The following TTC27 variants were observed in gnomAD, a reference collection of about 807,000 sequenced individuals.
TTC27 encodes the protein tetratricopeptide repeat protein 27.
Under a neutral mutation model 115.9 loss-of-function variants are expected in TTC27, and 79 were observed. The observed-to-expected ratio is 0.68, with a 90% CI of 0.57 to 0.82. The LOEUF (loss-of-function observed/expected upper bound fraction) is 0.82. TTC27 is among the 40% of genes least tolerant of loss of function. The pLI is 0.00. For missense variants in TTC27, 1,054 were observed against 993.1 expected, an observed-to-expected ratio of 1.06 and a Z score of -0.82; for synonymous variants, 401 against 356.0, an observed-to-expected ratio of 1.13 and a Z score of -1.42.
chr2:32,628,665 G>A (rs1185168492), intron 1 of TTC27, among the ~76,000 whole-genome samples: 2 of 152,172 alleles, frequency 1.3e-5, no homozygotes, highest in South Asian at 2.1e-4. Context: ...AGATACTTAA[G>A]GTAGATTCAA....
intron 9 of TTC27, among the ~76,000 whole-genome samples, chr2:32,685,763 G>A (rs986920316): frequency 6.6e-6 from 1 of 152,178 alleles, no homozygotes; most frequent in African/African-American, 2.4e-5. Context: ...ATCATTATTG[G>A]TGAAAAGTAG....
chr2:32,690,717 A>G (rs1666781475), intron 9 of TTC27, among the ~76,000 whole-genome samples: 1 of 152,318 alleles, frequency 6.6e-6, no homozygotes, highest in East Asian at 1.9e-4. Context: ...TAAATGACCT[A>G]CCTAGCAAGG....
At position 32,814,709 on chromosome 2, in the gene TTC27, T is replaced by G. The variant is rs1209185721; in HGVS notation, c.2308+2094T>G. The stretch of plus-strand genomic sequence containing the variant: ...GATAGACAAATACTTACCATTGTGT[T>G]CTGATTGCCTGCAGTGTTCAGTACA... On this transcript the variant is annotated intron_variant, in intron 18 of 19. Coordinates refer to ENST00000317907, the MANE Select transcript of TTC27 (RefSeq NM_017735.5). Among the ~76,000 whole-genome samples, 3 of 152,340 alleles carry G rather than the reference T, an allele frequency of 2.0e-5. No homozygotes were observed. In the East Asian group the frequency reaches 5.8e-4, roughly 29 times the overall value.
intron 13 of TTC27, among the ~76,000 whole-genome samples, chr2:32,759,125 T>C (rs1026821876): frequency 3.3e-5 from 5 of 152,252 alleles, no homozygotes; most frequent in Non-Finnish European, 7.3e-5. Flanking sequence ...TTGTACTTAA[T>C]GATATTCAGT....
chr2:32,759,888 T>C (rs1328989095), intron 13 of TTC27, among the ~76,000 whole-genome samples: 1 of 152,256 alleles, frequency 6.6e-6, no homozygotes, highest in Non-Finnish European at 1.5e-5. Context: ...CATAATGTCC[T>C]GAAGGTTCCT....
chr2:32,669,851 A>G lies in TTC27; in HGVS notation c.940-2421A>G, dbSNP rs1158403947. 2.1e-5 allele frequency among the ~76,000 whole-genome samples: 3 copies of G among 141,700 alleles called. No individual in the cohort carries two copies. In the East Asian group the frequency reaches 6.4e-4, roughly 30 times the overall value. The allele number at this position is 141,700 out of a possible 152,430, so 93.0% of individuals were successfully genotyped here. Reference sequence around the variant, plus strand: ...CAGTGAGCCGAGATCATGCTACTGCACTCCAGCCTAGGTGACTAAGTGAGA... The same window carrying G: ...CAGTGAGCCGAGATCATGCTACTGCGCTCCAGCCTAGGTGACTAAGTGAGA... On this transcript the variant is annotated intron_variant, in intron 7 of 19. Transcript: ENST00000317907.
At chr2:32,745,313 C>T (rs1233436949) in intron 12 of TTC27, among the ~76,000 whole-genome samples, 1 of 152,086 alleles carries the variant, frequency 6.6e-6, no homozygotes, top group Non-Finnish European at 1.5e-5. Flanking sequence ...TAGCTCTCTC[C>T]CTGAGGCAGA....
At chr2:32,749,186 A>G (rs929244622) in intron 12 of TTC27, among the ~76,000 whole-genome samples, 3 of 152,230 alleles carry the variant, frequency 2.0e-5, no homozygotes. Flanking sequence ...TGCAAAATTA[A>G]TCAGTCATTT....
intron 10 of TTC27, among the ~76,000 whole-genome samples, chr2:32,722,553 G>T (rs1667964782): frequency 6.6e-6 from 1 of 152,132 alleles, no homozygotes. Flanking sequence ...CTTACCCAAG[G>T]TCTCATAGCT....
intron 10 of TTC27, among the ~76,000 whole-genome samples, chr2:32,707,437 C>T (rs1051508635): frequency 2.0e-5 from 3 of 152,164 alleles, no homozygotes; most frequent in East Asian, 1.9e-4. Flanking sequence ...ACTGTTGCAT[C>T]GGGCACCAAG....
chr2:32,721,194 T>C (rs1558309568), intron 10 of TTC27, among the ~76,000 whole-genome samples: 1 of 152,202 alleles, frequency 6.6e-6, no homozygotes, highest in Non-Finnish European at 1.5e-5. Context: ...ACAAATAGAA[T>C]TTAGAGCTTT....
At chr2:32,801,684 G>T (rs10170414) in intron 16 of TTC27, among the ~76,000 whole-genome samples, 28,028 of 151,932 alleles carry the variant, frequency 0.18, 2,629 homozygotes, top group Admixed American at 0.25. Context: ...TCATGAAGAG[G>T]GGAGTAGATC....
chr2:32,789,617 T>A (rs552841143), intron 16 of TTC27, among the ~76,000 whole-genome samples: 2 of 152,198 alleles, frequency 1.3e-5, no homozygotes, highest in African/African-American at 4.8e-5. Context: ...TTAAGAACAT[T>A]TGCTTAGAAA....
chr2:32,817,795 C>G (rs1671556639), intron 19 of TTC27, among the ~76,000 whole-genome samples: 1 of 152,142 alleles, frequency 6.6e-6, no homozygotes, highest in African/African-American at 2.4e-5. Flanking sequence ...GTGGCTCATG[C>G]CTGTAATCCC....
chr2:32,649,182 A>C (rs116753689), intron 4 of TTC27, among the ~76,000 whole-genome samples: 1,804 of 152,214 alleles, frequency 0.012, 29 homozygotes, highest in African/African-American at 0.041. Context: ...CTAGCAGGAG[A>C]AGACTGTAAG....
chr2:32,782,060 C>T (rs1162006220), intron 14 of TTC27, among the ~76,000 whole-genome samples: 1 of 152,110 alleles, frequency 6.6e-6, no homozygotes, highest in South Asian at 2.1e-4. Flanking sequence ...TAATTTATAT[C>T]ATTCTTGTTT....
At chr2:32,817,789 C>T (rs927212342) in intron 19 of TTC27, among the ~76,000 whole-genome samples, 1 of 152,188 alleles carries the variant, frequency 6.6e-6, no homozygotes, top group Non-Finnish European at 1.5e-5. Context: ...GGTGCAGTGG[C>T]TCATGCCTGT....
At chr2:32,675,121 C>A (rs1266594262) in intron 8 of TTC27, among the ~76,000 whole-genome samples, 1 of 152,194 alleles carries the variant, frequency 6.6e-6, no homozygotes, top group Non-Finnish European at 1.5e-5. Flanking sequence ...AATAGTCTAA[C>A]AACACCAAGC....
chr2:32,666,889 C>A, intron 7 of TTC27, 121 bp downstream of exon 7: 1 of 1,210,664 alleles, frequency 8.3e-7, no homozygotes, highest in Non-Finnish European at 1.1e-6. Flanking sequence ...TTTCTTTTGC[C>A]TTTTAAAGGT....
Sources: allele counts gnomAD v4.1 joint callset (sites outside exome capture counted in the v4.1 genomes callset), GRCh38; gene constraint gnomAD v4.1.1; transcripts MANE v1.5; gene names NCBI Gene and HGNC (gene_info 2026-07-23, HGNC 2026-07-21).